ERAP2: variants seen among roughly 807,000 people sequenced by gnomAD.
ERAP2 encodes the protein endoplasmic reticulum aminopeptidase 2.
A neutral mutation model predicts 111.1 loss-of-function variants in ERAP2; 118 were observed. The observed-to-expected ratio is 1.06, with a 90% confidence interval of 0.92 to 1.24. The LOEUF (loss-of-function observed/expected upper bound fraction) is 1.24, where lower values mean the gene tolerates loss of function less well. Among genes scored for constraint, ERAP2 ranks in the 50% most tolerant of loss-of-function variants. The pLI is 0.00. For synonymous variants in ERAP2, 410 were observed against 401.2 expected, an observed-to-expected ratio of 1.02 and a Z score of -0.26; for missense variants, 1,131 against 1,125.8, an observed-to-expected ratio of 1.00 and a Z score of -0.07.
At chr5:96,892,533 A>C in intron 6 of ERAP2, 80 bp downstream of exon 6, 1 of 1,533,208 alleles carries the variant, frequency 6.5e-7, no homozygotes, top group Non-Finnish European at 8.9e-7. Flanking sequence ...CCTGAAACAA[A>C]ATAAATCATC....
In ERAP2 at chr5:96,879,798, T is replaced by C; in HGVS notation, c.113T>C (p.Phe38Ser). 1.2e-6 allele frequency: 2 copies of C among 1,614,180 alleles called. No individual in the cohort carries two copies. The highest frequency in any genetic ancestry group is 2.2e-5 in the South Asian group (2 of 91,086). The change falls in exon 2 of 19, where the codon TTC (phenylalanine) becomes TCC (serine). Residue 38 changes from phenylalanine to serine, a missense_variant. By Grantham distance (155) the Phe-to-Ser change is radical (BLOSUM62 -2). Around this residue, in one of 3 missense-constraint regions of ERAP2, gnomAD observed 847 missense variants for 856.5 expected, o/e 0.99. Coordinates refer to ENST00000437043, the MANE Select transcript of ERAP2 (RefSeq NM_022350.5). ...ILPQICICSQ[F>S]SVPSSYHFTE... The stretch of plus-strand genomic sequence containing the variant: ...CCCCAAATATGCATTTGTTCTCAGT[T>C]CTCAGTGCCATCTAGTTATCACTTC...
intron 18 of ERAP2, 64 bp downstream of exon 18, chr5:96,915,833 A>T: frequency 7.4e-7 from 1 of 1,346,418 alleles, no homozygotes; most frequent in South Asian, 1.3e-5. Context: ...TTGAAAGTAA[A>T]CTTAGATATA....
At chr5:96,888,718 ATTTC>A in intron 4 of ERAP2, among the ~76,000 whole-genome samples, 1 of 152,160 alleles carries the variant, frequency 6.6e-6, no homozygotes. Flanking sequence ...ATATTTGAGC[ATTTC>A]TTAGTTTAAA....
At chr5:96,894,391 A>G (rs1225437886) in intron 6 of ERAP2, among the ~76,000 whole-genome samples, 1 of 152,188 alleles carries the variant, frequency 6.6e-6, no homozygotes, top group Non-Finnish European at 1.5e-5. Flanking sequence ...TGTTTCTAGA[A>G]GCTACAGACT....
At chr5:96,903,842 C>A (rs1331003877) in intron 13 of ERAP2, among the ~76,000 whole-genome samples, 1 of 152,124 alleles carries the variant, frequency 6.6e-6, no homozygotes, top group Non-Finnish European at 1.5e-5. Flanking sequence ...GGGTCTTTAT[C>A]CTGTGGGCCA....
Position 96,913,345 on chromosome 5 carries a change from G to GTC in ERAP2, c.2546_2547insCT (p.Ile850LeufsTer23). On this transcript the variant is annotated frameshift_variant, in exon 17 of 19. Coordinates refer to ENST00000437043, the MANE Select transcript of ERAP2 (RefSeq NM_022350.5). LOFTEE classifies it high-confidence loss of function. ...AATTGAACTAGGAATGGAAGGAAAGGTTATCAAGACACAGAACTTGGCAGC... is the reference window on the plus strand; with the variant it reads ...AATTGAACTAGGAATGGAAGGAAAGGTCTTATCAAGACACAGAACTTGGCAGC... 6.2e-7 allele frequency: 1 copy of GTC among 1,614,010 alleles called. No individual in the cohort carries two copies. Among genetic ancestry groups the GTC allele is most frequent in the Middle Eastern group, 1.6e-4 (1 of 6,062 alleles).
rs1052658007 is a variant in ERAP2 at position 96,918,009 on chromosome 5, G to A, written c.*404G>A. On this transcript the variant is annotated 3_prime_UTR_variant, in exon 19 of 19. Coordinates refer to ENST00000437043, the MANE Select transcript of ERAP2 (RefSeq NM_022350.5). ...AGTCAAACAGGGTAACACCAGTGAAGCTCAAGTCAAGAGCTGTGGATATTT... is the reference window on the plus strand; with the variant it reads ...AGTCAAACAGGGTAACACCAGTGAAACTCAAGTCAAGAGCTGTGGATATTT... The A allele has an allele frequency of 6.5e-6, 1 of 152,792 alleles. No homozygotes were observed. Among genetic ancestry groups the A allele is most frequent in the Non-Finnish European group, 1.5e-5 (1 of 68,654 alleles). The allele number at this position is 152,792 out of a possible 1,614,324, so 9.5% of individuals were successfully genotyped here. A position where few individuals can be genotyped will look rare whatever the true frequency, so the allele number is the denominator to read the frequency against.
chr5:96,882,125 C>T (rs1434780515), intron 2 of ERAP2, among the ~76,000 whole-genome samples: 1 of 152,218 alleles, frequency 6.6e-6, no homozygotes, highest in African/African-American at 2.4e-5. Context: ...GACACTTCCC[C>T]TCATTGCAGC....
chr5:96,902,144 A>G lies in ERAP2; in HGVS notation c.1749-130A>G, dbSNP rs116668624. The G allele has an allele frequency of 5.3e-3, 3,194 of 597,278 alleles. 13 individuals carry two copies. The highest frequency in any genetic ancestry group is 7.5e-3 in the Non-Finnish European group (2,497 of 335,028). 37.0% of individuals were successfully genotyped at this position (597,278 alleles called of 1,614,324 possible). A position where few individuals can be genotyped will look rare whatever the true frequency, so the allele number is the denominator to read the frequency against. On this transcript the variant is annotated intron_variant, in intron 11 of 18. Transcript: ENST00000437043. ...GCTAGTCTTAGCCTATAAAATTTAT[A>G]AGACCACTTGTGGGTAGTATGAAGG...
At chr5:96,895,205 A>G (rs368651211) in intron 6 of ERAP2, 41 bp from the exon 7 acceptor site, 7 of 1,223,734 alleles carry the variant, frequency 5.7e-6, no homozygotes, top group Middle Eastern at 1.9e-4. Context: ...AATAATTTTT[A>G]TTTGTTTAAC....
At chr5:96,881,399 G>C in intron 2 of ERAP2, 1 of 456,124 alleles carries the variant, frequency 2.2e-6, no homozygotes, top group South Asian at 1.5e-5. Flanking sequence ...TATTGGTCAT[G>C]TGAGGTGAGG....
chr5:96,913,746 CAT>C (rs1787063130), intron 17 of ERAP2, among the ~76,000 whole-genome samples: 1 of 152,204 alleles, frequency 6.6e-6, no homozygotes, highest in African/African-American at 2.4e-5. Context: ...CCCCTCCCAC[CAT>C]CCCTTCTTGG....
chr5:96,891,934 C>T (rs970369506), intron 5 of ERAP2, among the ~76,000 whole-genome samples: 4 of 151,938 alleles, frequency 2.6e-5, no homozygotes, highest in Non-Finnish European at 4.4e-5. Flanking sequence ...TTATTTGATA[C>T]CCTTTTTAAA....
chr5:96,880,027 T>C lies in ERAP2; in HGVS notation c.342T>C (p.Asp114=), dbSNP rs753992187. The C allele has an allele frequency of 3.1e-6, 5 of 1,614,160 alleles. 1 individual carries two copies. The South Asian group carries it at 5.5e-5, about 18-fold the overall frequency. Residue 114 remains aspartate, a synonymous_variant, in exon 2 of 19, where the codon GAT becomes GAC. Coordinates refer to ENST00000437043, the MANE Select transcript of ERAP2 (RefSeq NM_022350.5). Reference sequence around the variant, plus strand: ...AGTTTATCATCTTGCACAGCAAAGATCTTGAAATCACGAATGCCACCCTTC... The same window carrying C: ...AGTTTATCATCTTGCACAGCAAAGACCTTGAAATCACGAATGCCACCCTTC... ...ATQFIILHSK[D]LEITNATLQS...
rs574350376 is a variant in ERAP2, at chr5:96,913,051, ATTG to A, written c.2516+258_2517-259del. ...ATCTTCAGAAACTTGAAGAAAAATT[ATTG>A]TTGTAAAAATACATTCTTGCATATA... On this transcript the variant is annotated intron_variant, in intron 16 of 18. Coordinates refer to ENST00000437043, the MANE Select transcript of ERAP2 (RefSeq NM_022350.5). Among the ~76,000 whole-genome samples the A allele has an allele frequency of 1.2e-4, 18 of 152,352 alleles. No homozygotes were observed. In the South Asian group the frequency reaches 3.5e-3, roughly 30 times the overall value.
intron 10 of ERAP2, among the ~76,000 whole-genome samples, chr5:96,900,785 C>T (rs1007782558): frequency 6.6e-6 from 1 of 152,058 alleles, no homozygotes. Context: ...CAACCAATTC[C>T]TCTGCCTCAG....
At chr5:96,909,810 G>C (rs549762715) in intron 15 of ERAP2, 46 bp downstream of exon 15, 1 of 1,584,240 alleles carries the variant, frequency 6.3e-7, no homozygotes. Flanking sequence ...TCTCTTTGAT[G>C]TAAAAGTCTT....
intron 5 of ERAP2, among the ~76,000 whole-genome samples, chr5:96,890,243 G>C (rs980303395): frequency 1.3e-5 from 2 of 152,226 alleles, no homozygotes. Context: ...CGAAGATTGG[G>C]TGGATGGTTT....
rs1561405895 is a variant in ERAP2, at chr5:96,917,539, CA to C, written c.2822del (p.Asn941IlefsTer2). 3 of 1,611,760 alleles carry C rather than the reference CA, an allele frequency of 1.9e-6. No individual in the cohort carries two copies. Among genetic ancestry groups the C allele is most frequent in the Non-Finnish European group, 2.5e-6 (3 of 1,178,616 alleles). On this transcript the variant is annotated frameshift_variant, in exon 19 of 19. Coordinates refer to ENST00000437043, the MANE Select transcript of ERAP2 (RefSeq NM_022350.5). LOFTEE classifies it high-confidence loss of function. The part of the protein sequence containing the change: ...IFQTVLETIT[K>X]NIKWLEKNLP... ...TTCAAACTGTTCTGGAAACGATAAC[CA>C]AAAATATAAAATGGCTGGAGAAGAA...
Sources: allele counts gnomAD v4.1 joint callset (sites outside exome capture counted in the v4.1 genomes callset), GRCh38; gene constraint gnomAD v4.1.1; regional missense constraint gnomAD v4.1.1; transcripts MANE v1.5; gene names NCBI Gene and HGNC (gene_info 2026-07-23, HGNC 2026-07-21).